Variants in NEDD9 observed in about 807,000 individuals in gnomAD.
NEDD9 encodes the protein neural precursor cell expressed, developmentally down-regulated 9.
NEDD9 carries 26 observed loss-of-function variants against 76.6 expected under a neutral mutation model. The ratio of observed to expected loss-of-function variants is 0.34; its 90% CI spans 0.25 to 0.47. The LOEUF (loss-of-function observed/expected upper bound fraction) is 0.47. NEDD9 is among the 20% of genes least tolerant of loss of function. NEDD9 has a pLI of 1.00. For missense variants in NEDD9, 937 were observed against 1,058.5 expected, an observed-to-expected ratio of 0.89 and a Z score of 1.59; for synonymous variants, 392 against 414.2, an observed-to-expected ratio of 0.95 and a Z score of 0.65.
At chr6:11,307,773 T>TA (rs1761232075) in intron 2 of NEDD9, among the ~76,000 whole-genome samples, 1 of 152,042 alleles carries the variant, frequency 6.6e-6, no homozygotes, top group Non-Finnish European at 1.5e-5. Context: ...AGACATAGAG[T>TA]ACTGCCAGGA....
chr6:11,325,389 G>A (rs1401559538), intron 2 of NEDD9, among the ~76,000 whole-genome samples: 3 of 151,550 alleles, frequency 2.0e-5, no homozygotes, highest in Middle Eastern at 6.3e-3. Flanking sequence ...TTATTGAGAA[G>A]CGAAATAAAA....
At chr6:11,244,218 C>T (rs1759764777) in intron 3 of NEDD9, among the ~76,000 whole-genome samples, 1 of 152,112 alleles carries the variant, frequency 6.6e-6, no homozygotes, top group African/African-American at 2.4e-5. Context: ...GACTTGGAGA[C>T]AACTCCTTGA....
intron 5 of NEDD9, among the ~76,000 whole-genome samples, chr6:11,189,316 G>T (rs1213817208): frequency 6.6e-6 from 1 of 152,168 alleles, no homozygotes; most frequent in Non-Finnish European, 1.5e-5. Flanking sequence ...GAGCTTGGTA[G>T]AATTCCCAAT....
intron 2 of NEDD9, among the ~76,000 whole-genome samples, chr6:11,328,108 T>C (rs1761966574): frequency 6.6e-6 from 1 of 152,232 alleles, no homozygotes; most frequent in Non-Finnish European, 1.5e-5. Context: ...TTCTAGTTTC[T>C]GTGGCAATAA....
chr6:11,305,877 T>C, intron 3 of NEDD9: 1 of 1,263,118 alleles, frequency 7.9e-7, no homozygotes, highest in East Asian at 2.3e-5. Context: ...AAATGTTAGT[T>C]GCAGGCCCGT....
At chr6:11,290,312 C>CA (rs1232790513) in intron 3 of NEDD9, among the ~76,000 whole-genome samples, 2 of 152,206 alleles carry the variant, frequency 1.3e-5, no homozygotes, top group East Asian at 3.8e-4. Flanking sequence ...TCATTCCCCC[C>CA]AAAGGCTGTC....
At chr6:11,369,193 G>C (rs1262164270) in intron 1 of NEDD9, among the ~76,000 whole-genome samples, 1 of 152,148 alleles carries the variant, frequency 6.6e-6, no homozygotes, top group Non-Finnish European at 1.5e-5. Flanking sequence ...TTGCTTGATA[G>C]TTGCTTTGTG....
At chr6:11,305,621 A>G (rs1761164231) in intron 3 of NEDD9, among the ~76,000 whole-genome samples, 1 of 152,236 alleles carries the variant, frequency 6.6e-6, no homozygotes, top group Non-Finnish European at 1.5e-5. Context: ...CAGAGAAACA[A>G]GGCACCAAGA....
rs544479705 is a variant in NEDD9, at chr6:11,290,269, C to T, written c.12+15723G>A. On this transcript the variant is annotated intron_variant, in intron 3 of 3. Transcript: ENST00000397378. ...CATATGTTTTCATGAGCCACAGCGA[C>T]GCTTGCAAGCCAGGCTGATACCATC... is the stretch of plus-strand genomic sequence containing the variant. Among the ~76,000 whole-genome samples, 10 of 152,332 alleles carry T rather than the reference C, an allele frequency of 6.6e-5. No individual in the cohort carries two copies. In the East Asian group the frequency reaches 7.7e-4, roughly 12 times the overall value.
At chr6:11,288,317 T>G (rs1760693079) in intron 3 of NEDD9, among the ~76,000 whole-genome samples, 1 of 152,224 alleles carries the variant, frequency 6.6e-6, no homozygotes, top group Non-Finnish European at 1.5e-5. Context: ...GTGATTTTGT[T>G]GGCGTGCTTA....
At chr6:11,255,805 C>G (rs952256656) in intron 3 of NEDD9, among the ~76,000 whole-genome samples, 3 of 152,046 alleles carry the variant, frequency 2.0e-5, no homozygotes, top group Admixed American at 6.6e-5. Flanking sequence ...AATTAGCTTT[C>G]AGTGTGAAGG....
rs556151872 is a variant in NEDD9, at chr6:11,305,074, G to A, written c.12+918C>T. 183 of 1,284,994 alleles carry A rather than the reference G, an allele frequency of 1.4e-4. 4 individuals carry two copies. In the South Asian group the frequency reaches 2.1e-3, roughly 15 times the overall value. The allele number at this position is 1,284,994 out of a possible 1,614,324, so 79.6% of individuals were successfully genotyped here. On this transcript the variant is annotated intron_variant, in intron 3 of 3. Coordinates refer to the NEDD9 transcript ENST00000397378. ...TTTCTTATTATATTTACCTTGGAAC[G>A]TTTGCCCAGAAAGGAGATTGGGCTG...
chr6:11,282,967 G>C (rs1487042121), intron 3 of NEDD9, among the ~76,000 whole-genome samples: 1 of 152,188 alleles, frequency 6.6e-6, no homozygotes, highest in Admixed American at 6.5e-5. Context: ...ATATGGTTTG[G>C]CCTTTGGATG....
At chr6:11,192,605 T>TTA (rs1554123931) in intron 3 of NEDD9, 159 bp from the exon 4 acceptor site, 38 of 568,840 alleles carry the variant, frequency 6.7e-5, no homozygotes, top group African/African-American at 3.2e-4. Context: ...CCTTTTTTTT[T>TTA]AATACATTTT....
chr6:11,270,240 A>G (rs1255027016), intron 3 of NEDD9, among the ~76,000 whole-genome samples: 2 of 152,260 alleles, frequency 1.3e-5, no homozygotes, highest in Non-Finnish European at 2.9e-5. Flanking sequence ...TTCAATTAGC[A>G]AGCAAAGCTA....
At chr6:11,367,925 G>T (rs1246312613) in intron 1 of NEDD9, among the ~76,000 whole-genome samples, 1 of 152,172 alleles carries the variant, frequency 6.6e-6, no homozygotes, top group African/African-American at 2.4e-5. Context: ...CTGAACTCTC[G>T]GGATTGTATG....
intron 3 of NEDD9, among the ~76,000 whole-genome samples, chr6:11,304,197 C>T (rs911622257): frequency 2.6e-5 from 4 of 152,122 alleles, no homozygotes; most frequent in African/African-American, 9.7e-5. Context: ...AGCCAACAGA[C>T]ATATGAAAAA....
At chr6:11,290,271 C>T (rs1007642414) in intron 3 of NEDD9, among the ~76,000 whole-genome samples, 28 of 152,190 alleles carry the variant, frequency 1.8e-4, no homozygotes, top group African/African-American at 6.8e-4. Context: ...CACAGCGACG[C>T]TTGCAAGCCA....
chr6:11,312,496 C>A (rs1319958287), intron 2 of NEDD9, among the ~76,000 whole-genome samples: 2 of 152,070 alleles, frequency 1.3e-5, no homozygotes, highest in African/African-American at 4.8e-5. Context: ...CTGCATTGGC[C>A]CTTGAGACTT....
Sources: gnomAD v4.1 joint callset for allele counts (sites outside exome capture counted in the v4.1 genomes callset) on GRCh38, gnomAD v4.1.1 for gene constraint, MANE v1.5 for transcripts, NCBI Gene and HGNC (gene_info 2026-07-23, HGNC 2026-07-21) for gene names.